TTLL6: variants seen among roughly 807,000 people sequenced by gnomAD.
TTLL6 encodes the protein tubulin tyrosine ligase like 6.
A neutral mutation model predicts 96.4 loss-of-function variants in TTLL6; 75 were observed. The observed-to-expected ratio is 0.78, with a 90% confidence interval of 0.65 to 0.94. The LOEUF (loss-of-function observed/expected upper bound fraction) is 0.94. Ranked by LOEUF, TTLL6 falls within the 40% of genes least tolerant of loss-of-function variation. TTLL6 has a pLI of 0.00. For synonymous variants in TTLL6, 411 were observed against 419.4 expected, an observed-to-expected ratio of 0.98 and a Z score of 0.24; for missense variants, 1,030 against 1,093.0, an observed-to-expected ratio of 0.94 and a Z score of 0.81.
chr17:48,814,582 C>T (rs2039639435), intron 1 of TTLL6, among the ~76,000 whole-genome samples: 1 of 151,996 alleles, frequency 6.6e-6, no homozygotes. Flanking sequence ...TTAGACAGCA[C>T]GAAAATGTCC....
At position 48,769,719 on chromosome 17, in the gene TTLL6, G is replaced by C; in HGVS notation, c.2410+9C>G. The C allele has an allele frequency of 6.2e-7, 1 of 1,612,790 alleles. No individual in the cohort carries two copies. Among genetic ancestry groups the C allele is most frequent in the Non-Finnish European group, 8.5e-7 (1 of 1,179,436 alleles). On this transcript the variant is annotated intron_variant, in intron 14 of 15. Coordinates refer to ENST00000393382, the MANE Select transcript of TTLL6 (RefSeq NM_001130918.3). ...CTCCTGGCACATCCCTGTACACACT[G>C]GCACTCACGTGACAGGTTATTCATC...
chr17:48,783,257 A>C (rs1302394702), intron 13 of TTLL6, among the ~76,000 whole-genome samples: 1 of 152,114 alleles, frequency 6.6e-6, no homozygotes, highest in African/African-American at 2.4e-5. Flanking sequence ...TGAAGGCCCA[A>C]CAATGCTGAA....
intron 13 of TTLL6, among the ~76,000 whole-genome samples, chr17:48,776,312 T>TA (rs2038869345): frequency 1.3e-5 from 2 of 151,934 alleles, no homozygotes; most frequent in East Asian, 1.9e-4. Context: ...TAAAATAAAA[T>TA]AAAAAAATTA....
chr17:48,783,731 T>C (rs1198025575), intron 13 of TTLL6, among the ~76,000 whole-genome samples: 1 of 152,158 alleles, frequency 6.6e-6, no homozygotes, highest in East Asian at 1.9e-4. Context: ...GCACTCAGCT[T>C]TTATTTATTT....
chr17:48,791,662 T>C (rs545128380), intron 8 of TTLL6, 59 bp from the exon 9 acceptor site: 109 of 1,422,666 alleles, frequency 7.7e-5, no homozygotes, highest in Non-Finnish European at 1.0e-4. Flanking sequence ...CCCGAGGCCA[T>C]GGCATGCTGG....
chr17:48,798,423 C>T (rs1330910475), intron 6 of TTLL6, among the ~76,000 whole-genome samples: 5 of 151,988 alleles, frequency 3.3e-5, no homozygotes, highest in African/African-American at 7.3e-5. Flanking sequence ...AAAAATTAGC[C>T]GGGTGTGCTG....
intron 13 of TTLL6, among the ~76,000 whole-genome samples, chr17:48,775,027 A>G (rs2038842816): frequency 6.6e-6 from 1 of 151,914 alleles, no homozygotes; most frequent in Non-Finnish European, 1.5e-5. Context: ...CCAGCAACTC[A>G]GGAGGCTGGG....
intron 13 of TTLL6, among the ~76,000 whole-genome samples, chr17:48,777,867 T>C (rs1229706783): frequency 6.6e-6 from 1 of 152,048 alleles, no homozygotes; most frequent in Non-Finnish European, 1.5e-5. Context: ...GCCGAGACTG[T>C]GCTACCGCAC....
At chr17:48,801,709 AT>A in intron 3 of TTLL6, 66 bp from the exon 4 acceptor site, 1 of 1,364,192 alleles carries the variant, frequency 7.3e-7, no homozygotes. Flanking sequence ...GGGAGATTCC[AT>A]TACTAGGTGC....
rs567488909 is a variant in TTLL6, at chr17:48,787,919, C to A, written c.1481G>T (p.Arg494Leu). 6.2e-7 allele frequency: 1 copy of A among 1,614,166 alleles called. No individual in the cohort carries two copies. Among genetic ancestry groups the A allele is most frequent in the Admixed American group, 1.7e-5 (1 of 60,024 alleles). ...TYEKENCGGF[R>L]LIYPSLNSEK... is the part of the protein sequence containing the mutation. ...CGAATTCAGACTGGGATAAATCAGT[C>A]GGAACCCTCCACAGTTTTCCTTCTC... The change falls in exon 11 of 16, where the codon CGA becomes CTA. Residue 494 changes from arginine to leucine, a missense_variant. Arg to Leu is a moderately radical substitution (Grantham distance 102). Transcript: ENST00000393382.
Position 48,785,025 on chromosome 17 carries a change from C to CAATTAG in TTLL6, c.1937_1938insCTAATT (p.Arg646delinsSerTer), listed in dbSNP as rs2039060975. ...ACTTCGAGCTGCTGAGATTGATATT[C>CAATTAG]CTCAGATCGGGTAGAGAACTGAAGG... is the stretch of plus-strand genomic sequence containing the variant. On this transcript the variant is annotated stop_gained and protein_altering_variant, in exon 13 of 16. Transcript: ENST00000393382. LOFTEE classifies it high-confidence loss of function. 6.2e-7 allele frequency: 1 copy of CAATTAG among 1,614,008 alleles called. No homozygotes were observed. Among genetic ancestry groups the CAATTAG allele is most frequent in the Non-Finnish European group, 8.5e-7 (1 of 1,180,006 alleles).
At chr17:48,812,018 C>T (rs1325926643) in intron 1 of TTLL6, 1 of 151,310 alleles carries the variant, frequency 6.6e-6, no homozygotes, top group Non-Finnish European at 1.5e-5. Flanking sequence ...ATTTTAATTC[C>T]CTGGTTTTCA....
At chr17:48,770,408 CAGT>C (rs1441122194) in intron 13 of TTLL6, among the ~76,000 whole-genome samples, 1 of 151,972 alleles carries the variant, frequency 6.6e-6, no homozygotes, top group Non-Finnish European at 1.5e-5. Flanking sequence ...AGGCAGAAGA[CAGT>C]AGGAGACTCT....
At chr17:48,768,091 C>A (rs1053538329) in intron 15 of TTLL6, among the ~76,000 whole-genome samples, 7 of 152,000 alleles carry the variant, frequency 4.6e-5, no homozygotes, top group African/African-American at 1.7e-4. Flanking sequence ...TAATACATAG[C>A]AAGGGGGTCA....
chr17:48,787,903 A>C lies in TTLL6; in HGVS notation c.1497T>G (p.Ser499Arg), dbSNP rs777175795. 5.0e-6 allele frequency: 8 copies of C among 1,614,196 alleles called. No homozygotes were observed. The South Asian group carries it at 8.8e-5, about 18-fold the overall frequency. The change falls in exon 11 of 16, where the codon AGT becomes AGG. Residue 499 changes from serine (S) to arginine (R), a missense_variant. Coordinates refer to ENST00000393382, the MANE Select transcript of TTLL6 (RefSeq NM_001130918.3). The part of the protein sequence containing the change: ...NCGGFRLIYP[S>R]LNSEKYEKFF... The stretch of plus-strand genomic sequence containing the variant: ...ACTTCTCATACTTCTCCGAATTCAG[A>C]CTGGGATAAATCAGTCGGAACCCTC...
chr17:48,792,572 T>C (rs1306760383), intron 8 of TTLL6, among the ~76,000 whole-genome samples: 1 of 151,900 alleles, frequency 6.6e-6, no homozygotes, highest in Non-Finnish European at 1.5e-5. Flanking sequence ...AGCCAGACAA[T>C]GAGCATTTGA....
chr17:48,769,193 C>T lies in TTLL6; in HGVS notation c.2472G>A (p.Gln824=), dbSNP rs2038681091. The T allele has an allele frequency of 6.2e-7, 1 of 1,613,694 alleles. No individual in the cohort carries two copies. Residue 824 remains glutamine, a synonymous_variant, in exon 15 of 16, where the codon CAG becomes CAA. Transcript: ENST00000393382. The part of the protein sequence containing the change: ...SRSDSSGEKR[Q]LDVSSLLLQS... ...GCAAGAGGAGGGAGGACACATCCAG[C>T]TGCCTCTTCTCGCCAGAGCTGTCAC...
At chr17:48,802,898 A>G in intron 3 of TTLL6, among the ~76,000 whole-genome samples, 1 of 151,960 alleles carries the variant, frequency 6.6e-6, no homozygotes, top group South Asian at 2.1e-4. Flanking sequence ...GGCCAGGCGC[A>G]GTGGCTCATG....
chr17:48,801,669 G>C (rs776334048), intron 3 of TTLL6, 26 bp from the exon 4 acceptor site: 36 of 1,532,484 alleles, frequency 2.3e-5, no homozygotes, highest in Non-Finnish European at 3.2e-5. Context: ...AGGCCTATTA[G>C]CCCAGGAAGT....
Sources: allele counts gnomAD v4.1 joint callset (sites outside exome capture counted in the v4.1 genomes callset), GRCh38; gene constraint gnomAD v4.1.1; transcripts MANE v1.5; gene names NCBI Gene and HGNC (gene_info 2026-07-23, HGNC 2026-07-21).